The following EYA1 variants were observed in gnomAD, a reference collection of about 807,000 sequenced individuals.
The protein encoded by EYA1 is EYA transcriptional coactivator and phosphatase 1.
A neutral mutation model predicts 82.0 loss-of-function variants in EYA1; 16 were observed. The ratio of observed to expected loss-of-function variants is 0.20; its 90% CI spans 0.13 to 0.30. The LOEUF (loss-of-function observed/expected upper bound fraction) is 0.30, where lower values mean the gene tolerates loss of function less well. EYA1 is among the 10% of genes least tolerant of loss of function. The pLI is 1.00. For synonymous variants in EYA1, 261 were observed against 264.4 expected (o/e 0.99, Z 0.12); for missense variants, 633 against 730.7 (o/e 0.87, Z 1.54).
intron 11 of EYA1, among the ~76,000 whole-genome samples, chr8:71,249,765 G>A (rs1813523392): frequency 2.0e-5 from 3 of 152,078 alleles, no homozygotes; most frequent in Admixed American, 1.3e-4. Flanking sequence ...ATCTCAACTG[G>A]AGGCTCATAT....
In EYA1 at chr8:71,299,110, T is replaced by C; in HGVS notation, c.763A>G (p.Thr255Ala). 1 of 1,614,180 alleles carries C rather than the reference T, an allele frequency of 6.2e-7. No homozygotes were observed. Reference sequence around the variant, plus strand: ...GATGGCGGTTCTTGAAGCTGGTAAGTGGCATTGGTGGATGGTGTCGTTGGG... The same window carrying C: ...GATGGCGGTTCTTGAAGCTGGTAAGCGGCATTGGTGGATGGTGTCGTTGGG... ...TSPTTPSTNA[T>A]YQLQEPPSGI... Residue 255 changes from threonine (T) to alanine (A), a missense_variant, in exon 9 of 18, where the codon ACT becomes GCT. By Grantham distance (58) the Thr-to-Ala change is moderately conservative (BLOSUM62 0). Coordinates refer to ENST00000340726, the MANE Select transcript of EYA1 (RefSeq NM_000503.6).
intron 2 of EYA1, among the ~76,000 whole-genome samples, chr8:71,510,000 T>C (rs1460411445): frequency 6.6e-6 from 1 of 151,424 alleles, no homozygotes; most frequent in Non-Finnish European, 1.5e-5. Flanking sequence ...ATTATTGTTC[T>C]GTAATAATAT....
intron 2 of EYA1, among the ~76,000 whole-genome samples, chr8:71,426,686 T>C (rs1268593721): frequency 6.6e-6 from 1 of 152,248 alleles, no homozygotes; most frequent in Non-Finnish European, 1.5e-5. Flanking sequence ...TCTAGTTTAC[T>C]CAAAAACTAT....
At chr8:71,412,783 C>T (rs1381122515) in intron 2 of EYA1, among the ~76,000 whole-genome samples, 1 of 152,210 alleles carries the variant, frequency 6.6e-6, no homozygotes, top group East Asian at 1.9e-4. Flanking sequence ...TCAAGGGCAT[C>T]TTTTCGAGTC....
chr8:71,312,472 A>T (rs1259141893), intron 7 of EYA1, among the ~76,000 whole-genome samples: 1 of 152,206 alleles, frequency 6.6e-6, no homozygotes, highest in Admixed American at 6.5e-5. Flanking sequence ...TTGAAAACAC[A>T]GTCTCACTCC....
chr8:71,489,513 C>A (rs1250555217), intron 2 of EYA1, among the ~76,000 whole-genome samples: 1 of 152,164 alleles, frequency 6.6e-6, no homozygotes, highest in Non-Finnish European at 1.5e-5. Flanking sequence ...GCTCACTAAC[C>A]TTTACACATA....
chr8:71,211,391 T>G, intron 16 of EYA1, 135 bp from the exon 17 acceptor site: 1 of 676,682 alleles, frequency 1.5e-6, no homozygotes, highest in South Asian at 1.6e-5. Flanking sequence ...GAGGAATGCT[T>G]TTATGCCACT....
chr8:71,541,139 C>T (rs904680138), intron 1 of EYA1, among the ~76,000 whole-genome samples: 6 of 152,116 alleles, frequency 3.9e-5, no homozygotes, highest in Non-Finnish European at 1.5e-5. Flanking sequence ...TGGGTGTACT[C>T]AGATGAGTCA....
chr8:71,528,754 C>A (rs1563707050), intron 2 of EYA1, among the ~76,000 whole-genome samples: 1 of 152,222 alleles, frequency 6.6e-6, no homozygotes. Context: ...TGAATCTGCG[C>A]TCTCATTCAC....
intron 11 of EYA1, among the ~76,000 whole-genome samples, chr8:71,259,481 G>C (rs1157579843): frequency 1.3e-5 from 2 of 152,134 alleles, no homozygotes; most frequent in Admixed American, 1.3e-4. Context: ...CATGAAAGTC[G>C]CACAATTCAG....
intron 2 of EYA1, among the ~76,000 whole-genome samples, chr8:71,517,126 A>T (rs1813028384): frequency 6.6e-6 from 1 of 151,496 alleles, no homozygotes; most frequent in African/African-American, 2.4e-5. Context: ...GCTCTTTTTC[A>T]CCTTTAACAC....
chr8:71,525,362 G>C (rs1360990308), intron 2 of EYA1, among the ~76,000 whole-genome samples: 1 of 152,156 alleles, frequency 6.6e-6, no homozygotes, highest in Non-Finnish European at 1.5e-5. Context: ...TATGTCGTTT[G>C]AATTTGGGAG....
chr8:71,244,975 TATAAA>T (rs1251846645), intron 11 of EYA1, among the ~76,000 whole-genome samples: 1 of 152,194 alleles, frequency 6.6e-6, no homozygotes, highest in African/African-American at 2.4e-5. Flanking sequence ...TACTTAGACA[TATAAA>T]ATAAAGGAAA....
chr8:71,483,168 T>C (rs1423653227), intron 2 of EYA1, among the ~76,000 whole-genome samples: 3 of 152,240 alleles, frequency 2.0e-5, no homozygotes, highest in Non-Finnish European at 4.4e-5. Flanking sequence ...TGCTCCTTGC[T>C]GCTGCTAAAA....
chr8:71,204,579 G>A (rs898422700), intron 17 of EYA1, among the ~76,000 whole-genome samples: 2 of 152,162 alleles, frequency 1.3e-5, no homozygotes, highest in African/African-American at 2.4e-5. Flanking sequence ...ATGGAATACC[G>A]ATGCAGTCAC....
chr8:71,291,295 CG>C (rs1215619818), intron 9 of EYA1, among the ~76,000 whole-genome samples: 1 of 152,182 alleles, frequency 6.6e-6, no homozygotes, highest in East Asian at 1.9e-4. Flanking sequence ...CTTTTTCAGG[CG>C]CTTTGCTCTA....
rs553050124 is a variant in EYA1 at position 71,361,832 on chromosome 8, G to A, written c.-240C>T. 187 of 985,334 alleles carry A rather than the reference G, an allele frequency of 1.9e-4. No individual in the cohort carries two copies. The highest frequency in any genetic ancestry group is 2.1e-4 in the Non-Finnish European group (178 of 829,938). 61.0% of individuals were successfully genotyped at this position (985,334 alleles called of 1,614,324 possible). A position where few individuals can be genotyped will look rare whatever the true frequency, so the allele number is the denominator to read the frequency against. ...TGCAGGGGAAAGCTCGGCGCAGGGG[G>A]CAGGCGCCTGGCCGCTGCCGCAGGC... On this transcript the variant is annotated 5_prime_UTR_variant, in exon 1 of 18. Transcript: ENST00000340726.
At chr8:71,542,233 G>A (rs770191531) in intron 1 of EYA1, among the ~76,000 whole-genome samples, 14 of 151,988 alleles carry the variant, frequency 9.2e-5, no homozygotes, top group Non-Finnish European at 1.5e-4. Flanking sequence ...TTCACCCTCC[G>A]ATAGACTCCA....
At chr8:71,349,132 GT>G (rs537442840) in intron 3 of EYA1, among the ~76,000 whole-genome samples, 24 of 152,256 alleles carry the variant, frequency 1.6e-4, no homozygotes, top group African/African-American at 5.8e-4. Context: ...ATCCCCTAAA[GT>G]TAACCTAATG....
Sources: gnomAD v4.1 joint callset for allele counts (sites outside exome capture counted in the v4.1 genomes callset) on GRCh38, gnomAD v4.1.1 for gene constraint, MANE v1.5 for transcripts, NCBI Gene and HGNC (gene_info 2026-07-23, HGNC 2026-07-21) for gene names.